Variants in BIK observed in about 807,000 individuals in gnomAD.
BIK encodes the protein BCL2 interacting killer.
A neutral mutation model predicts 12.1 loss-of-function variants in BIK; 14 were observed. That is an observed-to-expected ratio of 1.16 (90% CI 0.77 to 1.81). The LOEUF is 1.81. Among genes scored for constraint, BIK ranks in the 40% most tolerant of loss-of-function variants. The pLI, the probability that BIK is intolerant of heterozygous loss-of-function variation, is 0.00. For missense variants in BIK, 215 were observed against 207.9 expected (o/e 1.03, Z -0.21); for synonymous variants, 86 against 92.3 (o/e 0.93, Z 0.39).
chr22:43,129,219 T>G lies in BIK; in HGVS notation c.397T>G (p.Cys133Gly). 6 of 1,604,596 alleles carry G rather than the reference T, an allele frequency of 3.7e-6. No homozygotes were observed. Among genetic ancestry groups the G allele is most frequent in the Non-Finnish European group, 5.1e-6 (6 of 1,179,806 alleles). ...RSPNPGSWVS[C>G]EQVLLALLLL... ...CTCTGCTTTGCTCCCACAGGTGTCC[T>G]GCGAACAGGTGCTGCTGGCGCTGCT... The change falls in exon 5 of 5, where the codon TGC becomes GGC. Residue 133 changes from cysteine to glycine, a missense_variant. Coordinates refer to ENST00000216115, the MANE Select transcript of BIK (RefSeq NM_001197.5).
chr22:43,118,581 C>T (rs1019147297), intron 1 of BIK, among the ~76,000 whole-genome samples: 1 of 152,136 alleles, frequency 6.6e-6, no homozygotes, highest in East Asian at 1.9e-4. Flanking sequence ...TGCCACCCCA[C>T]CCTCATGGTC....
chr22:43,118,358 G>T (rs1930157860), intron 1 of BIK, among the ~76,000 whole-genome samples: 2 of 152,186 alleles, frequency 1.3e-5, no homozygotes, highest in Non-Finnish European at 2.9e-5. Flanking sequence ...TGGAGCCCCT[G>T]CTAGGTGGTG....
chr22:43,114,894 C>G (rs1471069805), intron 1 of BIK, among the ~76,000 whole-genome samples: 3 of 152,248 alleles, frequency 2.0e-5, no homozygotes, highest in Non-Finnish European at 4.4e-5. Context: ...GGCTTTCCCT[C>G]CTGCCCTTTA....
In BIK at chr22:43,129,465, T is replaced by C. The variant is rs971409872; in HGVS notation, c.*160T>C. On this transcript the variant is annotated 3_prime_UTR_variant, in exon 5 of 5. Coordinates refer to ENST00000216115, the MANE Select transcript of BIK (RefSeq NM_001197.5). The stretch of plus-strand genomic sequence containing the variant: ...ACACTGCTGAGGTTTTATACTCAGG[T>C]TTTTTGTTTTTTTTTTATTCCAGTT... The C allele has an allele frequency of 3.3e-6, 4 of 1,211,360 alleles. No homozygotes were observed. The African/African-American group carries it at 4.8e-5, about 14-fold the overall frequency. 75.0% of individuals were successfully genotyped at this position (1,211,360 alleles called of 1,614,324 possible). A position where few individuals can be genotyped will look rare whatever the true frequency, so the allele number is the denominator to read the frequency against.
intron 2 of BIK, among the ~76,000 whole-genome samples, chr22:43,126,995 C>T (rs1266678378): frequency 3.9e-5 from 6 of 152,104 alleles, no homozygotes; most frequent in Non-Finnish European, 5.9e-5. Flanking sequence ...AGTCCCACTT[C>T]CCTGGGAGTT....
chr22:43,111,815 A>C (rs2147015334), intron 1 of BIK, among the ~76,000 whole-genome samples: 1 of 152,262 alleles, frequency 6.6e-6, no homozygotes, highest in East Asian at 1.9e-4. Context: ...TCTGGTGGGC[A>C]CTAGCGCCGG....
At chr22:43,127,648 T>G in intron 2 of BIK, 49 bp from the exon 3 acceptor site, 1 of 1,499,634 alleles carries the variant, frequency 6.7e-7, no homozygotes, top group Non-Finnish European at 9.0e-7. Context: ...CAGGTGCATG[T>G]GGCCTCCACG....
At chr22:43,112,619 C>G (rs150621490) in intron 1 of BIK, among the ~76,000 whole-genome samples, 1 of 151,248 alleles carries the variant, frequency 6.6e-6, no homozygotes, top group East Asian at 2.0e-4. Flanking sequence ...AAGATTCTCA[C>G]ACATTTGACT....
chr22:43,123,660 A>T (rs1930258677), intron 1 of BIK, among the ~76,000 whole-genome samples: 1 of 152,176 alleles, frequency 6.6e-6, no homozygotes, highest in Non-Finnish European at 1.5e-5. Flanking sequence ...CTGAGGCAGG[A>T]GAATTGCTTG....
chr22:43,125,432 G>A (rs973112319), intron 2 of BIK, among the ~76,000 whole-genome samples: 8 of 152,100 alleles, frequency 5.3e-5, no homozygotes, highest in Non-Finnish European at 7.4e-5. Context: ...CGGGCCGGGC[G>A]CCGTGGCTCA....
intron 1 of BIK, among the ~76,000 whole-genome samples, chr22:43,113,875 A>G (rs974799632): frequency 5.9e-5 from 9 of 152,186 alleles, no homozygotes; most frequent in Non-Finnish European, 8.8e-5. Context: ...GTATGGAGGA[A>G]GTCTCCGCAC....
At chr22:43,111,841 T>C (rs1263933503) in intron 1 of BIK, among the ~76,000 whole-genome samples, 1 of 152,156 alleles carries the variant, frequency 6.6e-6, no homozygotes, top group Non-Finnish European at 1.5e-5. Context: ...TCTTAACATC[T>C]GTCTGCCCCT....
At chr22:43,121,125 G>A (rs1012477195) in intron 1 of BIK, among the ~76,000 whole-genome samples, 1 of 152,136 alleles carries the variant, frequency 6.6e-6, no homozygotes, top group African/African-American at 2.4e-5. Context: ...CACCTGAGCT[G>A]AGATCACACC....
At position 43,124,184 on chromosome 22, in the gene BIK, G is replaced by A; in HGVS notation, c.161+1G>A. ...ATTCTTTGGAATGCATGGAGGGCAG[G>A]TAGGTCCCCATGGCCTGCCCTACCC... On this transcript the variant is annotated splice_donor_variant, in intron 2 of 4. Transcript: ENST00000216115. LOFTEE classifies it high-confidence loss of function. The A allele has an allele frequency of 6.2e-7, 1 of 1,613,956 alleles. No homozygotes were observed. The highest frequency in any genetic ancestry group is 1.1e-5 in the South Asian group (1 of 91,068).
intron 3 of BIK, among the ~76,000 whole-genome samples, chr22:43,128,064 G>A (rs995407997): frequency 6.6e-6 from 1 of 152,098 alleles, no homozygotes; most frequent in Admixed American, 6.6e-5. Flanking sequence ...TCCTCATTGA[G>A]CCCAGATGGT....
chr22:43,110,756 G>T lies in BIK; in HGVS notation c.-55G>T, dbSNP rs2090103896. On this transcript the variant is annotated 5_prime_UTR_variant, in exon 1 of 5. Coordinates refer to ENST00000216115, the MANE Select transcript of BIK (RefSeq NM_001197.5). ...GCGCCGGCAGCCGGGCCGCAGACAC[G>T]AAGCCTCCCGGGTGGCTTACAGACG... 1 of 152,192 alleles carries T rather than the reference G, an allele frequency of 6.6e-6. No individual in the cohort carries two copies. Among genetic ancestry groups the T allele is most frequent in the Non-Finnish European group, 1.5e-5 (1 of 68,042 alleles). The allele number at this position is 152,192 out of a possible 1,614,324, so 9.4% of individuals were successfully genotyped here.
intron 1 of BIK, among the ~76,000 whole-genome samples, chr22:43,114,144 C>T (rs1158372673): frequency 6.6e-6 from 1 of 152,198 alleles, no homozygotes; most frequent in Non-Finnish European, 1.5e-5. Context: ...CACCACTGGG[C>T]CTCGCCAGGC....
chr22:43,117,430 A>G (rs1266276910), intron 1 of BIK, among the ~76,000 whole-genome samples: 2 of 146,022 alleles, frequency 1.4e-5, no homozygotes, highest in African/African-American at 2.6e-5. Context: ...GTGTGGTGGC[A>G]TGATCTCGGC....
intron 1 of BIK, among the ~76,000 whole-genome samples, chr22:43,118,576 C>A (rs1395132454): frequency 1.3e-5 from 2 of 152,156 alleles, no homozygotes; most frequent in Non-Finnish European, 2.9e-5. Context: ...CTTTGTGCCA[C>A]CCCACCCTCA....
Sources: gnomAD v4.1 joint callset for allele counts (sites outside exome capture counted in the v4.1 genomes callset) on GRCh38, gnomAD v4.1.1 for gene constraint, MANE v1.5 for transcripts, NCBI Gene and HGNC (gene_info 2026-07-23, HGNC 2026-07-21) for gene names.